RAB11B: variants seen among roughly 807,000 people sequenced by gnomAD.
The protein encoded by RAB11B is RAB11B, member RAS oncogene family, also known as ras-related protein Rab-11B.
Under a neutral mutation model 23.7 loss-of-function variants are expected in RAB11B, and 7 were observed. The observed-to-expected ratio is 0.29, with a 90% CI of 0.17 to 0.55. RAB11B has a LOEUF of 0.55. RAB11B is among the 20% of genes least tolerant of loss of function. The pLI, the probability that RAB11B is intolerant of heterozygous loss-of-function variation, is 0.93. For missense variants in RAB11B, 189 were observed against 320.0 expected (o/e 0.59, Z 3.12); for synonymous variants, 138 against 132.0 (o/e 1.05, Z -0.31).
At chr19:8,395,449 A>T (rs1350351773) in intron 1 of RAB11B, among the ~76,000 whole-genome samples, 1 of 151,700 alleles carries the variant, frequency 6.6e-6, no homozygotes, top group Non-Finnish European at 1.5e-5. Context: ...GGGTTTCACC[A>T]TGTTAGTCAG....
chr19:8,399,991 G>T lies in RAB11B; in HGVS notation c.169G>T (p.Gly57Cys). 3 of 1,614,204 alleles carry T rather than the reference G, an allele frequency of 1.9e-6. No homozygotes were observed. The highest frequency in any genetic ancestry group is 2.5e-6 in the Non-Finnish European group (3 of 1,180,018). ...CGCCACCCGCAGCATCCAGGTGGACGGCAAGACCATCAAGGCGCAGATCTG... is the reference window on the plus strand; with the variant it reads ...CGCCACCCGCAGCATCCAGGTGGACTGCAAGACCATCAAGGCGCAGATCTG... ...EFATRSIQVDGKTIKAQIWDT... is the reference protein window; with the variant it reads ...EFATRSIQVDCKTIKAQIWDT... Residue 57 changes from glycine to cysteine, a missense_variant, in exon 2 of 5, where the codon GGC becomes TGC. By Grantham distance (159) the Gly-to-Cys change is radical (BLOSUM62 -3). Transcript: ENST00000328024.
Position 8,390,441 on chromosome 19 carries a change from G to C in RAB11B, c.25G>C (p.Asp9His). 6.6e-7 allele frequency: 1 copy of C among 1,517,916 alleles called. No individual in the cohort carries two copies. The highest frequency in any genetic ancestry group is 1.3e-5 in the South Asian group (1 of 79,916). The allele number at this position is 1,517,916 out of a possible 1,614,324, so 94.0% of individuals were successfully genotyped here. MGTRDDEY[D>H]YLFKVVLIGD... is the part of the protein sequence containing the mutation. ...AATGGGGACCCGGGACGACGAGTAC[G>C]ACTACCTATTCAAAGGTGCGGCCGG... Residue 9 changes from aspartate (D) to histidine (H), a missense_variant, in exon 1 of 5, where the codon GAC becomes CAC. Transcript: ENST00000328024.
At chr19:8,400,917 G>A (rs1180073374) in intron 2 of RAB11B, among the ~76,000 whole-genome samples, 3 of 151,362 alleles carry the variant, frequency 2.0e-5, no homozygotes, top group South Asian at 2.1e-4. Flanking sequence ...AGACAGACAG[G>A]GTCTTGCTCT....
At chr19:8,394,290 G>T (rs58598214) in intron 1 of RAB11B, among the ~76,000 whole-genome samples, 6,338 of 152,260 alleles carry the variant, frequency 0.042, 183 homozygotes, top group Middle Eastern at 0.12. Flanking sequence ...TGAGTAGCTG[G>T]GATTACAGGT....
intron 1 of RAB11B, among the ~76,000 whole-genome samples, chr19:8,392,772 C>T (rs1321317201): frequency 7.0e-6 from 1 of 143,156 alleles, no homozygotes; most frequent in Non-Finnish European, 1.5e-5. Flanking sequence ...CTCACTGCAG[C>T]CTCCGTCTCC....
At position 8,404,200 on chromosome 19, in the gene RAB11B, G is replaced by T; in HGVS notation, c.*642G>T. On this transcript the variant is annotated 3_prime_UTR_variant, in exon 5 of 5. Transcript: ENST00000328024. ...CCTCCTCTGTCTCGTCTCCCCATCT[G>T]GTCTGGAACCTGTTTGCAAGTGAAG... The T allele has an allele frequency of 6.7e-6, 1 of 149,724 alleles. No homozygotes were observed. The highest frequency in any genetic ancestry group is 2.1e-4 in the South Asian group (1 of 4,808). The allele number at this position is 149,724 out of a possible 1,614,324, so 9.3% of individuals were successfully genotyped here.
chr19:8,403,660 G>A lies in RAB11B; in HGVS notation c.*102G>A. On this transcript the variant is annotated 3_prime_UTR_variant, in exon 5 of 5. Coordinates refer to ENST00000328024, the MANE Select transcript of RAB11B (RefSeq NM_004218.4). ...GTCCCTCTGTGGCCGGCTCGTTCCA[G>A]CCCTCCCAGTGAGCTCTGCACGGCC... is the stretch of plus-strand genomic sequence containing the variant. 6.7e-7 allele frequency: 1 copy of A among 1,486,302 alleles called. No individual in the cohort carries two copies. The highest frequency in any genetic ancestry group is 9.0e-7 in the Non-Finnish European group (1 of 1,106,392). 92.1% of individuals were successfully genotyped at this position (1,486,302 alleles called of 1,614,324 possible).
intron 2 of RAB11B, 137 bp from the exon 3 acceptor site, chr19:8,401,948 TC>T (rs1971440956): frequency 2.4e-6 from 2 of 817,766 alleles, no homozygotes; most frequent in African/African-American, 3.5e-5. Context: ...CACACACCCT[TC>T]CCTTGAGGCC....
chr19:8,395,872 C>T (rs1202618864), intron 1 of RAB11B, among the ~76,000 whole-genome samples: 4 of 152,124 alleles, frequency 2.6e-5, no homozygotes, highest in East Asian at 1.9e-4. Context: ...CAGTGAGTTG[C>T]GAAGGAAGAA....
In RAB11B at chr19:8,396,214, C is replaced by T. The variant is rs1971395461; in HGVS notation, c.41-3649C>T. 6.6e-6 allele frequency among the ~76,000 whole-genome samples: 1 copy of T among 152,214 alleles called. No individual in the cohort carries two copies. The highest frequency in any genetic ancestry group is 2.1e-4 in the South Asian group (1 of 4,830). ...CGGGTACCAGGTGGGGTTGTAGGGG[C>T]TGCCTGATCCTGCCCTCCTCACCTG... On this transcript the variant is annotated intron_variant, in intron 1 of 4. Coordinates refer to ENST00000328024, the MANE Select transcript of RAB11B (RefSeq NM_004218.4). The surrounding 1 kb of genome is among the most constrained non-coding windows in gnomAD (Gnocchi z 5.0).
rs1971425453 is a variant in RAB11B, at chr19:8,400,014, C to A, written c.192C>A (p.Ile64=). The change falls in exon 2 of 5, where the codon ATC becomes ATA. Residue 64 remains isoleucine, a synonymous_variant. Coordinates refer to ENST00000328024, the MANE Select transcript of RAB11B (RefSeq NM_004218.4). The part of the protein sequence containing the change: ...QVDGKTIKAQ[I]WDTAGQERYR... ...ACGGCAAGACCATCAAGGCGCAGAT[C>A]TGGGACACCGCTGGCCAGGAGCGCT... 6.2e-7 allele frequency: 1 copy of A among 1,614,068 alleles called. No homozygotes were observed. Among genetic ancestry groups the A allele is most frequent in the South Asian group, 1.1e-5 (1 of 91,092 alleles).
intron 1 of RAB11B, among the ~76,000 whole-genome samples, chr19:8,397,948 C>T (rs983292732): frequency 2.6e-5 from 4 of 152,128 alleles, no homozygotes; most frequent in Non-Finnish European, 5.9e-5. Context: ...CCTCAGGTGC[C>T]GGGGCCCAAG....
chr19:8,395,634 C>T (rs551857214), intron 1 of RAB11B, among the ~76,000 whole-genome samples: 4 of 152,320 alleles, frequency 2.6e-5, no homozygotes, highest in South Asian at 4.1e-4. Flanking sequence ...ATGCCAGCCC[C>T]GTTGTCTTAG....
At chr19:8,403,046 G>C in intron 4 of RAB11B, 1 of 338,844 alleles carries the variant, frequency 3.0e-6, no homozygotes, top group Non-Finnish European at 5.4e-6. Flanking sequence ...GGTCAGACCA[G>C]GTCTAGCCCT....
chr19:8,393,361 C>T (rs934202746), intron 1 of RAB11B, among the ~76,000 whole-genome samples: 2 of 152,178 alleles, frequency 1.3e-5, no homozygotes, highest in African/African-American at 4.8e-5. Flanking sequence ...TCACCTGGCC[C>T]TGGAGGACAT....
rs1971458514 is a variant in RAB11B, at chr19:8,403,882, G to A, written c.*324G>A. The A allele has an allele frequency of 3.8e-6, 1 of 259,906 alleles. No individual in the cohort carries two copies. The highest frequency in any genetic ancestry group is 2.2e-5 in the African/African-American group (1 of 44,826). The allele number at this position is 259,906 out of a possible 1,614,324, so 16.1% of individuals were successfully genotyped here. A position where few individuals can be genotyped will look rare whatever the true frequency, so the allele number is the denominator to read the frequency against. The stretch of plus-strand genomic sequence containing the variant: ...GGCGCCGCCTTCTCCCCTTTTCCTT[G>A]GCCGACTCTAGGGAGCGATTGCCTC... On this transcript the variant is annotated 3_prime_UTR_variant, in exon 5 of 5. Transcript: ENST00000328024.
chr19:8,391,837 G>A (rs1230437303), intron 1 of RAB11B, among the ~76,000 whole-genome samples: 1 of 151,776 alleles, frequency 6.6e-6, no homozygotes, highest in Non-Finnish European at 1.5e-5. Context: ...TGGGCTGTCC[G>A]TGTGGCGAAA....
rs549183697 is a variant in RAB11B at position 8,401,369 on chromosome 19, C to T, written c.237-717C>T. On this transcript the variant is annotated intron_variant, in intron 2 of 4. Transcript: ENST00000328024. ...TGCTGGGATTACAGGCGTGAGCGAC[C>T]CTGCCTGGCCTATTTATTTATTTTT... Among the ~76,000 whole-genome samples, 3 of 151,518 alleles carry T rather than the reference C, an allele frequency of 2.0e-5. No homozygotes were observed. In the East Asian group the frequency reaches 5.8e-4, roughly 29 times the overall value.
chr19:8,403,358 C>T (rs906683487), intron 4 of RAB11B, 55 bp from the exon 5 acceptor site: 25 of 1,571,146 alleles, frequency 1.6e-5, no homozygotes, highest in Middle Eastern at 1.7e-4. Context: ...GGGTTCCCCT[C>T]GGCAGGCAGG....
Sources: allele counts gnomAD v4.1 joint callset (sites outside exome capture counted in the v4.1 genomes callset), GRCh38; gene constraint gnomAD v4.1.1; non-coding constraint Gnocchi (gnomAD v3.1); transcripts MANE v1.5; gene names NCBI Gene and HGNC (gene_info 2026-07-23, HGNC 2026-07-21).